JAKMIP2: variants seen among roughly 807,000 people sequenced by gnomAD.
The protein encoded by JAKMIP2 is janus kinase and microtubule-interacting protein 2.
A neutral mutation model predicts 115.0 loss-of-function variants in JAKMIP2; 25 were observed. The ratio of observed to expected loss-of-function variants is 0.22; its 90% CI spans 0.16 to 0.30. The LOEUF (loss-of-function observed/expected upper bound fraction) is 0.30. JAKMIP2 is among the 10% of genes least tolerant of loss of function. The pLI is 1.00. For missense variants in JAKMIP2, 642 were observed against 957.6 expected (o/e 0.67, Z 4.35); for synonymous variants, 334 against 343.6 (o/e 0.97, Z 0.31).
At position 147,771,588 on chromosome 5, in the gene JAKMIP2, A is replaced by G. The variant is rs1477949148; in HGVS notation, c.-149+10868T>C. On this transcript the variant is annotated intron_variant, in intron 1 of 21. Transcript: ENST00000616793. ...CAAATGAAAGATACCTGTTGAGAAG[A>G]AAGGGAGGATTAAATACTGATTCAA... Among the ~76,000 whole-genome samples, 4 of 152,062 alleles carry G rather than the reference A, an allele frequency of 2.6e-5. No individual in the cohort carries two copies. The East Asian group carries it at 7.7e-4, about 29-fold the overall frequency.
Position 147,590,672 on chromosome 5 carries a change from A to G in JAKMIP2, c.*1035T>C, listed in dbSNP as rs948413815. On this transcript the variant is annotated 3_prime_UTR_variant, in exon 22 of 22. Coordinates refer to ENST00000616793, the MANE Select transcript of JAKMIP2 (RefSeq NM_001270941.2). The stretch of plus-strand genomic sequence containing the variant: ...TGTGTTTTTGCCCAAATCATATAGC[A>G]TATTCATTTGCAGGCAATTTTAAGC... 1 of 152,228 alleles carries G rather than the reference A, an allele frequency of 6.6e-6. No homozygotes were observed. Among genetic ancestry groups the G allele is most frequent in the Non-Finnish European group, 1.5e-5 (1 of 68,036 alleles). 9.4% of individuals were successfully genotyped at this position (152,228 alleles called of 1,614,324 possible). A position where few individuals can be genotyped will look rare whatever the true frequency, so the allele number is the denominator to read the frequency against.
At chr5:147,596,964 T>C (rs6580485) in intron 21 of JAKMIP2, among the ~76,000 whole-genome samples, 144,616 of 152,056 alleles carry the variant, frequency 0.95, 69,156 homozygotes, top group East Asian at 1. Flanking sequence ...CTCTGCCTCC[T>C]GGGTTCTAAG....
At chr5:147,730,106 T>C (rs1156322462) in intron 1 of JAKMIP2, among the ~76,000 whole-genome samples, 1 of 152,172 alleles carries the variant, frequency 6.6e-6, no homozygotes, top group Admixed American at 6.5e-5. Context: ...GCTCAATAAA[T>C]GGTCTCTGCA....
intron 1 of JAKMIP2, among the ~76,000 whole-genome samples, chr5:147,779,733 C>T (rs1406924467): frequency 6.6e-6 from 1 of 152,066 alleles, no homozygotes; most frequent in Non-Finnish European, 1.5e-5. Context: ...CTAGAAGTGT[C>T]TTATCTTAAA....
At chr5:147,604,505 C>T (rs1016016527) in intron 20 of JAKMIP2, among the ~76,000 whole-genome samples, 2 of 152,058 alleles carry the variant, frequency 1.3e-5, no homozygotes, top group Non-Finnish European at 2.9e-5. Context: ...AATCTGGATG[C>T]CTGGTGGTCT....
intron 1 of JAKMIP2, among the ~76,000 whole-genome samples, chr5:147,730,375 T>C (rs1672029392): frequency 6.6e-6 from 1 of 152,060 alleles, no homozygotes; most frequent in Non-Finnish European, 1.5e-5. Context: ...CCTCAACATC[T>C]GATCACCCTC....
chr5:147,662,939 T>C (rs1759100621), intron 2 of JAKMIP2, among the ~76,000 whole-genome samples: 1 of 151,570 alleles, frequency 6.6e-6, no homozygotes, highest in African/African-American at 2.4e-5. Flanking sequence ...TGAGCCAAGA[T>C]TGCACCATTG....
At chr5:147,684,141 G>A (rs888203419) in intron 1 of JAKMIP2, among the ~76,000 whole-genome samples, 4 of 152,042 alleles carry the variant, frequency 2.6e-5, no homozygotes, top group South Asian at 2.1e-4. Flanking sequence ...GGTAGTCAAC[G>A]TATCCACATA....
At chr5:147,700,629 G>C (rs6580497) in intron 1 of JAKMIP2, among the ~76,000 whole-genome samples, 42,065 of 151,882 alleles carry the variant, frequency 0.28, 6,789 homozygotes, top group East Asian at 0.5. Flanking sequence ...CTGTGTATTT[G>C]TTTCCCCATT....
At chr5:147,724,470 G>C (rs180705960) in intron 1 of JAKMIP2, among the ~76,000 whole-genome samples, 5 of 152,210 alleles carry the variant, frequency 3.3e-5, no homozygotes, top group Middle Eastern at 3.4e-3. Context: ...AATGTGTTAT[G>C]TACTTGTTGT....
At chr5:147,664,771 A>T (rs929973915) in intron 2 of JAKMIP2, among the ~76,000 whole-genome samples, 14 of 152,070 alleles carry the variant, frequency 9.2e-5, no homozygotes, top group African/African-American at 3.4e-4. Flanking sequence ...GTTGCCAATG[A>T]GCCATCCTCA....
intron 1 of JAKMIP2, among the ~76,000 whole-genome samples, chr5:147,676,655 A>T (rs1273436643): frequency 6.6e-6 from 1 of 152,158 alleles, no homozygotes; most frequent in Non-Finnish European, 1.5e-5. Flanking sequence ...CACTATCCCT[A>T]ATCAGGCACC....
intron 2 of JAKMIP2, among the ~76,000 whole-genome samples, chr5:147,669,390 T>G (rs1027691634): frequency 1.3e-5 from 2 of 152,078 alleles, no homozygotes; most frequent in Non-Finnish European, 2.9e-5. Context: ...AGTCAATTGT[T>G]AGAGGAAGGG....
At chr5:147,665,392 C>T (rs867290594) in intron 2 of JAKMIP2, among the ~76,000 whole-genome samples, 25 of 152,110 alleles carry the variant, frequency 1.6e-4, no homozygotes, top group African/African-American at 4.8e-4. Flanking sequence ...TTAGAAACTA[C>T]GACAATTTAC....
At chr5:147,656,880 G>A (rs1220805452) in intron 3 of JAKMIP2, among the ~76,000 whole-genome samples, 1 of 152,096 alleles carries the variant, frequency 6.6e-6, no homozygotes, top group East Asian at 1.9e-4. Flanking sequence ...AAGCAGGCCT[G>A]GTGGTGATAA....
At chr5:147,723,415 CT>C (rs1753394514) in intron 1 of JAKMIP2, among the ~76,000 whole-genome samples, 2 of 151,854 alleles carry the variant, frequency 1.3e-5, no homozygotes, top group African/African-American at 4.8e-5. Context: ...AACACAATGA[CT>C]TTGTACATTC....
chr5:147,751,256 G>GTTTTTTTTTTTTTTTTTTTT (rs59032563), intron 1 of JAKMIP2, among the ~76,000 whole-genome samples: 3 of 131,600 alleles, frequency 2.3e-5, no homozygotes, highest in East Asian at 2.3e-4. Flanking sequence ...TTTTGTTGTT[G>GTTTTTTTTTTTTTTTTTTTT]TTTTTTTTTT....
rs754143948 is a variant in JAKMIP2 at position 147,628,792 on chromosome 5, C to A, written c.1954G>T (p.Ala652Ser). The A allele has an allele frequency of 1.9e-6, 3 of 1,613,306 alleles. No homozygotes were observed. The highest frequency in any genetic ancestry group is 3.3e-5 in the Admixed American group (2 of 59,984). The change falls in exon 16 of 22, where the codon GCC becomes TCC. Residue 652 changes from alanine to serine, a missense_variant. Physicochemically the swap from Ala to Ser is moderately conservative, Grantham distance 99 (BLOSUM62 1). Coordinates refer to ENST00000616793, the MANE Select transcript of JAKMIP2 (RefSeq NM_001270941.2). Reference protein sequence around the residue: ...NGNLRNEEQVAIIQASTVLSL... With the variant: ...NGNLRNEEQVSIIQASTVLSL... ...AGCACAGTGCTGGCCTGAATTATGG[C>A]CACTTGTTCTTCATTTCTTAAATTC... is the stretch of plus-strand genomic sequence containing the variant.
chr5:147,648,670 C>A (rs1365534275), intron 4 of JAKMIP2, among the ~76,000 whole-genome samples, 196 bp from the exon 5 acceptor site: 1 of 152,128 alleles, frequency 6.6e-6, no homozygotes, highest in Non-Finnish European at 1.5e-5. Flanking sequence ...GGGTTGAAGA[C>A]CACGCCAGGT....
Sources: gnomAD v4.1 joint callset for allele counts (sites outside exome capture counted in the v4.1 genomes callset) on GRCh38, gnomAD v4.1.1 for gene constraint, MANE v1.5 for transcripts, NCBI Gene and HGNC (gene_info 2026-07-23, HGNC 2026-07-21) for gene names.